The following EFHC1 variants were observed in gnomAD, a reference collection of about 807,000 sequenced individuals.
The protein encoded by EFHC1 is EF-hand domain-containing protein 1.
A neutral mutation model predicts 69.9 loss-of-function variants in EFHC1; 53 were observed. The observed-to-expected ratio is 0.76, with a 90% CI of 0.61 to 0.95. The LOEUF is 0.95. Ranked by LOEUF, EFHC1 falls within the 40% of genes least tolerant of loss-of-function variation. The probability of loss-of-function intolerance (pLI) is 0.00; values close to 1 mark genes in which losing one functional copy is unlikely to be tolerated. For synonymous variants in EFHC1, 256 were observed against 278.4 expected, an observed-to-expected ratio of 0.92 and a Z score of 0.80; for missense variants, 739 against 798.7, an observed-to-expected ratio of 0.93 and a Z score of 0.90.
At chr6:52,446,487 A>G (rs563376729) in intron 3 of EFHC1, among the ~76,000 whole-genome samples, 1 of 152,138 alleles carries the variant, frequency 6.6e-6, no homozygotes, top group Non-Finnish European at 1.5e-5. Flanking sequence ...TGAATACAGC[A>G]CACTGATGGG....
At chr6:52,460,393 G>C (rs368031092) in intron 5 of EFHC1, among the ~76,000 whole-genome samples, 3 of 152,138 alleles carry the variant, frequency 2.0e-5, no homozygotes, top group African/African-American at 7.2e-5. Flanking sequence ...ATTATAAAAG[G>C]TCATGAGGAG....
intron 9 of EFHC1, chr6:52,484,606 C>A (rs1432101815): frequency 6.6e-6 from 1 of 152,124 alleles, no homozygotes; most frequent in East Asian, 1.9e-4. Flanking sequence ...TATGGGAAAA[C>A]AAGAGTAAAA....
At chr6:52,443,327 A>T (rs1764706511) in intron 3 of EFHC1, among the ~76,000 whole-genome samples, 1 of 152,150 alleles carries the variant, frequency 6.6e-6, no homozygotes, top group Admixed American at 6.5e-5. Context: ...TTTTGTTGCC[A>T]TTGCTTTTGG....
At chr6:52,464,575 C>T (rs1352498020) in intron 5 of EFHC1, among the ~76,000 whole-genome samples, 1 of 152,176 alleles carries the variant, frequency 6.6e-6, no homozygotes, top group Non-Finnish European at 1.5e-5. Flanking sequence ...GGACTTTATA[C>T]TTACAGAAGG....
intron 5 of EFHC1, among the ~76,000 whole-genome samples, chr6:52,460,507 C>A (rs1765141274): frequency 6.6e-6 from 1 of 152,016 alleles, no homozygotes; most frequent in Non-Finnish European, 1.5e-5. Flanking sequence ...CAAAAATGTG[C>A]AGCTTATTGT....
intron 3 of EFHC1, among the ~76,000 whole-genome samples, chr6:52,441,029 A>G (rs1764651105): frequency 1.3e-5 from 2 of 151,928 alleles, no homozygotes; most frequent in South Asian, 4.2e-4. Flanking sequence ...GATGGTGCAT[A>G]TTGGACCTTT....
chr6:52,461,871 G>T (rs908003738), intron 5 of EFHC1, among the ~76,000 whole-genome samples: 3 of 151,998 alleles, frequency 2.0e-5, no homozygotes, highest in African/African-American at 7.2e-5. Context: ...CCTATTGCAA[G>T]AATATTTTAT....
intron 3 of EFHC1, among the ~76,000 whole-genome samples, chr6:52,443,200 T>C (rs140983485): frequency 0.011 from 1,612 of 152,360 alleles, 24 homozygotes; most frequent in African/African-American, 0.037. Context: ...CTTTGTCAGA[T>C]GGGTAGATTG....
chr6:52,460,242 C>G lies in EFHC1; in HGVS notation c.917-4653C>G, dbSNP rs1031787196. 2.0e-5 allele frequency among the ~76,000 whole-genome samples: 3 copies of G among 152,216 alleles called. 1 individual carries two copies. In the South Asian group the frequency reaches 6.2e-4, roughly 32 times the overall value. On this transcript the variant is annotated intron_variant, in intron 5 of 10. Transcript: ENST00000371068. ...GATGTATGAAACAACATGAATGAAT[C>G]TCAAAGTAACTATGCTAAGAGAATG...
chr6:52,478,425 T>TAAA (rs527754851), intron 7 of EFHC1, among the ~76,000 whole-genome samples: 6 of 151,238 alleles, frequency 4.0e-5, no homozygotes, highest in African/African-American at 1.5e-4. Context: ...TAAACTATAA[T>TAAA]AAAAAAAAAG....
intron 1 of EFHC1, chr6:52,420,960 C>A: frequency 9.7e-7 from 1 of 1,031,914 alleles, no homozygotes; most frequent in Non-Finnish European, 1.2e-6. Flanking sequence ...TCCGTCATTC[C>A]CGCCCCACCT....
intron 4 of EFHC1, chr6:52,453,438 G>A: frequency 7.8e-7 from 1 of 1,287,068 alleles, no homozygotes; most frequent in Non-Finnish European, 1.0e-6. Flanking sequence ...GAAAGAAAAG[G>A]AAGAGATCAC....
chr6:52,457,722 C>G (rs980333721), intron 5 of EFHC1, among the ~76,000 whole-genome samples: 3 of 152,126 alleles, frequency 2.0e-5, no homozygotes, highest in African/African-American at 7.2e-5. Flanking sequence ...ACCCAAGGAA[C>G]CAGGTTCTGA....
intron 9 of EFHC1, chr6:52,485,494 G>C (rs1581851381): frequency 6.6e-6 from 1 of 152,040 alleles, no homozygotes; most frequent in African/African-American, 2.4e-5. Flanking sequence ...GATATGGTTT[G>C]TTTGGCCCCA....
At chr6:52,471,203 C>T (rs1765429190) in intron 7 of EFHC1, among the ~76,000 whole-genome samples, 1 of 152,192 alleles carries the variant, frequency 6.6e-6, no homozygotes, top group African/African-American at 2.4e-5. Flanking sequence ...TATTTAGGGC[C>T]TGTCAAAGGC....
intron 3 of EFHC1, among the ~76,000 whole-genome samples, chr6:52,448,136 C>T (rs1459629053): frequency 1.3e-5 from 2 of 152,262 alleles, no homozygotes; most frequent in African/African-American, 4.8e-5. Context: ...GAAGTTTCTG[C>T]TGCCTTTTGT....
intron 5 of EFHC1, among the ~76,000 whole-genome samples, chr6:52,459,582 C>G (rs1765115701): frequency 1.3e-5 from 2 of 152,252 alleles, no homozygotes; most frequent in African/African-American, 4.8e-5. Context: ...GGATGTGAAG[C>G]AGCTGAAAAT....
At chr6:52,432,595 T>C (rs1358863301) in intron 2 of EFHC1, among the ~76,000 whole-genome samples, 1 of 152,204 alleles carries the variant, frequency 6.6e-6, no homozygotes, top group Non-Finnish European at 1.5e-5. Flanking sequence ...TAGGTTTTCC[T>C]TTATAGGTTA....
chr6:52,480,750 G>A (rs1018984523), intron 9 of EFHC1, among the ~76,000 whole-genome samples: 1 of 152,150 alleles, frequency 6.6e-6, no homozygotes, highest in African/African-American at 2.4e-5. Flanking sequence ...GCATGCAAAG[G>A]CCCTAAATAC....
Sources: allele counts gnomAD v4.1 joint callset (sites outside exome capture counted in the v4.1 genomes callset), GRCh38; gene constraint gnomAD v4.1.1; transcripts MANE v1.5; gene names NCBI Gene and HGNC (gene_info 2026-07-23, HGNC 2026-07-21).